ANXA1: variants seen among roughly 807,000 people sequenced by gnomAD.
ANXA1 encodes annexin A1, also known as annexin I (lipocortin I).
A neutral mutation model predicts 47.9 loss-of-function variants in ANXA1; 39 were observed. The observed-to-expected ratio is 0.81, with a 90% CI of 0.63 to 1.06. The LOEUF (loss-of-function observed/expected upper bound fraction) is 1.06, where lower values mean the gene tolerates loss of function less well. Among genes scored for constraint, ANXA1 ranks in the 50% least tolerant of loss-of-function variants. ANXA1 has a pLI of 0.00. For synonymous variants in ANXA1, 146 were observed against 142.5 expected, an observed-to-expected ratio of 1.02 and a Z score of -0.17; for missense variants, 446 against 422.7, an observed-to-expected ratio of 1.06 and a Z score of -0.48.
chr9:73,169,498 C>G (rs976970298), intron 12 of ANXA1, among the ~76,000 whole-genome samples: 8 of 152,006 alleles, frequency 5.3e-5, no homozygotes, highest in Non-Finnish European at 1.2e-4. Context: ...ACTCCTTATT[C>G]AAAATATTTA....
At position 73,166,154 on chromosome 9, in the gene ANXA1, AG is replaced by A; in HGVS notation, c.765del (p.Glu255AspfsTer2). On this transcript the variant is annotated frameshift_variant, in exon 10 of 13. Coordinates refer to ENST00000257497, the MANE Select transcript of ANXA1 (RefSeq NM_000700.3). LOFTEE classifies it high-confidence loss of function. ...KHDMNKVLDL[E>X]LKGDIEKCLT... ...GACATGAACAAAGTTCTGGACCTGG[AG>A]TTGAAAGGTGACATTGAGAAATGCC... is the stretch of plus-strand genomic sequence containing the variant. 6.2e-7 allele frequency: 1 copy of A among 1,612,596 alleles called. No homozygotes were observed. The highest frequency in any genetic ancestry group is 8.5e-7 in the Non-Finnish European group (1 of 1,179,136).
rs111929339 is a variant in ANXA1 at position 73,170,098 on chromosome 9, A to C, written c.1032A>C (p.Gly344=). ...DYEKILVALC[G]GN ...AGAAAATCCTGGTGGCTCTTTGTGG[A>C]GGAAACTAAACATTCCCTTGATGGT... Residue 344 remains glycine (G), a synonymous_variant, in exon 13 of 13, where the codon GGA becomes GGC. Coordinates refer to ENST00000257497, the MANE Select transcript of ANXA1 (RefSeq NM_000700.3). 1,858 of 1,605,686 alleles carry C rather than the reference A, an allele frequency of 1.2e-3. 23 individuals are homozygous for C. The African/African-American group carries it at 0.021, about 18-fold the overall frequency.
In ANXA1 at chr9:73,163,460, A is replaced by G. The variant is rs1824176957; in HGVS notation, c.556-16A>G. The G allele has an allele frequency of 6.2e-7, 1 of 1,611,806 alleles. No homozygotes were observed. Among genetic ancestry groups the G allele is most frequent in the Non-Finnish European group, 8.5e-7 (1 of 1,178,458 alleles). On this transcript the variant is annotated splice_polypyrimidine_tract_variant and intron_variant, in intron 7 of 12. Transcript: ENST00000257497. ...ATGCTAGAGAAGAGCTTACAATAGAATGGGATTTCTTTCAGGGTGACCGAT... is the reference window on the plus strand; with the variant it reads ...ATGCTAGAGAAGAGCTTACAATAGAGTGGGATTTCTTTCAGGGTGACCGAT...
intron 4 of ANXA1, 28 bp downstream of exon 4, chr9:73,159,451 T>C (rs1399995794): frequency 1.9e-6 from 3 of 1,584,908 alleles, no homozygotes; most frequent in South Asian, 1.1e-5. Context: ...ATTTAGATAT[T>C]TAATTTCAGC....
chr9:73,163,106 C>T (rs960135048), intron 7 of ANXA1, among the ~76,000 whole-genome samples: 12 of 152,030 alleles, frequency 7.9e-5, no homozygotes, highest in Admixed American at 7.9e-4. Flanking sequence ...GACCACATGG[C>T]AAGAAAGGAA....
At position 73,156,154 on chromosome 9, in the gene ANXA1, TA is replaced by T. The variant is rs375880446; in HGVS notation, c.-14-2365del. ...AAATAATAATAATAAATAATATAAA[TA>T]AATAAATAAATAAATAAAATAAATA... On this transcript the variant is annotated intron_variant, in intron 1 of 12. Transcript: ENST00000257497. Among the ~76,000 whole-genome samples, 685 of 95,458 alleles carry T rather than the reference TA, an allele frequency of 7.2e-3. 5 individuals carry two copies. The highest frequency in any genetic ancestry group is 0.044 in the African/African-American group (619 of 13,920). The allele number at this position is 95,458 out of a possible 152,430, so 62.6% of individuals were successfully genotyped here.
chr9:73,166,306 TC>T (rs1213748536), intron 10 of ANXA1, 114 bp downstream of exon 10: 1 of 701,346 alleles, frequency 1.4e-6, no homozygotes, highest in African/African-American at 1.8e-5. Context: ...CAAAAAACAA[TC>T]AGAAGTAGTG....
chr9:73,170,272 G>C lies in ANXA1; in HGVS notation c.*165G>C. 1 of 453,128 alleles carries C rather than the reference G, an allele frequency of 2.2e-6. No homozygotes were observed. The highest frequency in any genetic ancestry group is 3.8e-6 in the Non-Finnish European group (1 of 264,186). 28.1% of individuals were successfully genotyped at this position (453,128 alleles called of 1,614,324 possible). A position where few individuals can be genotyped will look rare whatever the true frequency, so the allele number is the denominator to read the frequency against. On this transcript the variant is annotated 3_prime_UTR_variant, in exon 13 of 13. Transcript: ENST00000257497. ...TTTTATATTATAACTCTGTATAATA[G>C]AGATAAGTCCATTTTTTAAAAATGT... is the stretch of plus-strand genomic sequence containing the variant.
At chr9:73,161,852 A>G (rs1182417632) in intron 6 of ANXA1, among the ~76,000 whole-genome samples, 1 of 152,190 alleles carries the variant, frequency 6.6e-6, no homozygotes, top group Non-Finnish European at 1.5e-5. Context: ...GATATAGGCC[A>G]GTGATAGTTT....
chr9:73,158,946 T>C (rs1824094375), intron 3 of ANXA1, 143 bp downstream of exon 3: 1 of 722,410 alleles, frequency 1.4e-6, no homozygotes, highest in African/African-American at 1.8e-5. Context: ...GAAGATGTAA[T>C]TATTTACTTA....
At chr9:73,156,981 ATG>A (rs1824058033) in intron 1 of ANXA1, among the ~76,000 whole-genome samples, 1 of 152,218 alleles carries the variant, frequency 6.6e-6, no homozygotes, top group African/African-American at 2.4e-5. Flanking sequence ...TTAAAAATAT[ATG>A]TCTCATTAAA....
At chr9:73,164,712 A>G (rs929871684) in intron 8 of ANXA1, among the ~76,000 whole-genome samples, 5 of 152,178 alleles carry the variant, frequency 3.3e-5, no homozygotes, top group Non-Finnish European at 5.9e-5. Flanking sequence ...CAGAAATTCT[A>G]ACATCAAAAT....
At position 73,165,189 on chromosome 9, in the gene ANXA1, G is replaced by A. The variant is rs184644030; in HGVS notation, c.686G>A (p.Ser229Asn). ...TTCAATACCATCCTTACCACCAGAA[G>A]CTATCCACAACTTCGCAGAGGTAAC... ...NVFNTILTTR[S>N]YPQLRRVFQK... Residue 229 changes from serine (S) to asparagine (N), a missense_variant, in exon 9 of 13, where the codon AGC becomes AAC. Ser to Asn is a conservative substitution (Grantham distance 46, BLOSUM62 1). Transcript: ENST00000257497. 4 of 1,612,586 alleles carry A rather than the reference G, an allele frequency of 2.5e-6. No individual in the cohort carries two copies. The Admixed American group carries it at 5.0e-5, about 20-fold the overall frequency.
At chr9:73,159,007 A>C (rs995221067) in intron 3 of ANXA1, among the ~76,000 whole-genome samples, 2 of 152,220 alleles carry the variant, frequency 1.3e-5, no homozygotes, top group Non-Finnish European at 2.9e-5. Flanking sequence ...GTTACAGCAG[A>C]TATTACTGGC....
rs139228721 is a variant in ANXA1 at position 73,169,129 on chromosome 9, G to T, written c.959G>T (p.Gly320Val). ...AAAGCATTCTATCAGAAGATGTATG[G>T]TATCTCCCTTTGCCAAGCCATCCTG... ...DIKAFYQKMY[G>V]ISLCQAILDE... The change falls in exon 12 of 13, where the codon GGT (glycine) becomes GTT (valine). Residue 320 changes from glycine (G) to valine (V), a missense_variant. By Grantham distance (109) the Gly-to-Val change is moderately radical. Transcript: ENST00000257497. 4 of 1,612,068 alleles carry T rather than the reference G, an allele frequency of 2.5e-6. No individual in the cohort carries two copies. The highest frequency in any genetic ancestry group is 1.7e-5 in the Admixed American group (1 of 59,658).
Position 73,170,137 on chromosome 9 carries a change from C to T in ANXA1, c.*30C>T, listed in dbSNP as rs145864257. ...TCCCTTGATGGTCTCAAGCTATGAT[C>T]AGAAGACTTTAATTATATATTTTCA... On this transcript the variant is annotated 3_prime_UTR_variant, in exon 13 of 13. Coordinates refer to ENST00000257497, the MANE Select transcript of ANXA1 (RefSeq NM_000700.3). The T allele has an allele frequency of 1.6e-3, 2,530 of 1,567,890 alleles. 36 individuals carry two copies. The African/African-American group carries it at 0.029, about 18-fold the overall frequency.
intron 1 of ANXA1, 43 bp from the exon 2 acceptor site, chr9:73,158,479 G>C: frequency 6.9e-7 from 1 of 1,444,846 alleles, no homozygotes; most frequent in Non-Finnish European, 9.7e-7. Flanking sequence ...GGTTGTGTGT[G>C]GTGCATTTGT....
At position 73,168,880 on chromosome 9, in the gene ANXA1, G is replaced by GGTGTGTGTGTGTGTGTGTGT. The variant is rs3832643; in HGVS notation, c.862-139_862-120dup. 1.0e-3 allele frequency: 412 copies of GGTGTGTGTGTGTGTGTGTGT among 402,934 alleles called. 4 individuals carry two copies. The highest frequency in any genetic ancestry group is 9.8e-3 in the Admixed American group (239 of 24,370). The allele number at this position is 402,934 out of a possible 1,614,324, so 25.0% of individuals were successfully genotyped here. A position where few individuals can be genotyped will look rare whatever the true frequency, so the allele number is the denominator to read the frequency against. On this transcript the variant is annotated intron_variant, in intron 11 of 12. Coordinates refer to ENST00000257497, the MANE Select transcript of ANXA1 (RefSeq NM_000700.3). ...TTTCATTTCATTACCATTCGTGTAA[G>GGTGTGTGTGTGTGTGTGTGT]GTGTGTGTGTGTGTGTGTGTGTGTG...
intron 10 of ANXA1, among the ~76,000 whole-genome samples, chr9:73,167,137 T>C (rs554703022): frequency 4.3e-4 from 66 of 152,258 alleles, no homozygotes; most frequent in Admixed American, 9.8e-4. Flanking sequence ...TAGGGTGTTC[T>C]TTTTAAATGT....
Sources: allele counts gnomAD v4.1 joint callset (sites outside exome capture counted in the v4.1 genomes callset), GRCh38; gene constraint gnomAD v4.1.1; transcripts MANE v1.5; gene names NCBI Gene and HGNC (gene_info 2026-07-23, HGNC 2026-07-21).